Variants in SKIDA1 observed in about 807,000 individuals in gnomAD.
SKIDA1 encodes SKI/DACH domain-containing protein 1.
A neutral mutation model predicts 51.4 loss-of-function variants in SKIDA1; 18 were observed. The observed-to-expected ratio is 0.35, with a 90% CI of 0.24 to 0.52. The LOEUF is 0.52. Among genes scored for constraint, SKIDA1 ranks in the 20% least tolerant of loss-of-function variants. The pLI is 0.95. For missense variants in SKIDA1, 1,104 were observed against 1,180.6 expected, an observed-to-expected ratio of 0.94 and a Z score of 0.95; for synonymous variants, 579 against 500.5, an observed-to-expected ratio of 1.16 and a Z score of -2.09.
rs778630089 is a variant in SKIDA1, at chr10:21,515,207, G to T, written c.2616C>A (p.Thr872=). ...GDLWPAYSLN[T]TKDSQTPHKA... is the part of the protein sequence containing the mutation. ...TGTGAGGAGTTTGAGAATCCTTAGTGGTGTTTAAGGAATACGCCGGCCACA... is the reference window on the plus strand; with the variant it reads ...TGTGAGGAGTTTGAGAATCCTTAGTTGTGTTTAAGGAATACGCCGGCCACA... The change falls in exon 4 of 4, where the codon ACC becomes ACA. Residue 872 remains threonine, a synonymous_variant. Coordinates refer to ENST00000449193, the MANE Select transcript of SKIDA1 (RefSeq NM_207371.4). The T allele has an allele frequency of 6.2e-7, 1 of 1,613,904 alleles. No individual in the cohort carries two copies. Among genetic ancestry groups the T allele is most frequent in the East Asian group, 2.2e-5 (1 of 44,876 alleles).
Position 21,515,628 on chromosome 10 carries a change from G to A in SKIDA1, c.2195C>T (p.Thr732Ile), listed in dbSNP as rs1346799001. The A allele has an allele frequency of 1.3e-5, 21 of 1,614,012 alleles. No homozygotes were observed. The highest frequency in any genetic ancestry group is 1.6e-4 in the Middle Eastern group (1 of 6,062). Residue 732 changes from threonine to isoleucine, a missense_variant, in exon 4 of 4, where the codon ACC becomes ATC. Coordinates refer to ENST00000449193, the MANE Select transcript of SKIDA1 (RefSeq NM_207371.4). The stretch of plus-strand genomic sequence containing the variant: ...GCATGCAAAACCTTCCTTGGCTGTG[G>A]TTAACAAGGCGTCCTCCTCTTTACT... ...TESKEEDALL[T>I]TAKEGFACPE...
rs71393906 is a variant in SKIDA1 at position 21,522,266 on chromosome 10, ACCCCCCCCCCCCCC to A, written c.-1928-800_-1928-787del. Among the ~76,000 whole-genome samples, 61 of 30,436 alleles carry A rather than the reference ACCCCCCCCCCCCCC, an allele frequency of 2.0e-3. 2 individuals are homozygous for A. Among genetic ancestry groups the A allele is most frequent in the African/African-American group, 5.9e-3 (55 of 9,244 alleles). 20.0% of individuals were successfully genotyped at this position (30,436 alleles called of 152,430 possible). On this transcript the variant is annotated intron_variant, in intron 2 of 3. Coordinates refer to ENST00000449193, the MANE Select transcript of SKIDA1 (RefSeq NM_207371.4). Reference sequence around the variant, plus strand: ...CATAATTTAAATGAGGATCACAGCCACCCCCCCCCCCCCCCCCCCCCCCCCGCCACCAGCTCTTC... The same window carrying A: ...CATAATTTAAATGAGGATCACAGCCACCCCCCCCCCCGCCACCAGCTCTTC...
intron 2 of SKIDA1, among the ~76,000 whole-genome samples, chr10:21,521,953 TTTTGA>T (rs1450714235): frequency 1.3e-5 from 2 of 152,226 alleles, no homozygotes; most frequent in Non-Finnish European, 2.9e-5. Context: ...AGATGCTCTA[TTTTGA>T]TTTATTTTCA....
At position 21,515,766 on chromosome 10, in the gene SKIDA1, T is replaced by TC; in HGVS notation, c.2056_2057insG (p.Lys686ArgfsTer8). On this transcript the variant is annotated frameshift_variant, in exon 4 of 4. Transcript: ENST00000449193. LOFTEE classifies it high-confidence loss of function. ...AGCACTACTGTCTTCTACTTTGATT[T>TC]TAATATTGTGCAGAAATGGCAATGT... 1 of 1,614,054 alleles carries TC rather than the reference T, an allele frequency of 6.2e-7. No individual in the cohort carries two copies. Among genetic ancestry groups the TC allele is most frequent in the Non-Finnish European group, 8.5e-7 (1 of 1,179,898 alleles).
In SKIDA1 at chr10:21,516,986, C is replaced by T. The variant is rs2032248133; in HGVS notation, c.837G>A (p.Lys279=). ...CGGCGTGAGGCGCGAGCAGGCAGTC[C>T]TTGGCGCCGCCGCGCTTGCGCTTGC... The part of the protein sequence containing the change: ...YRCKRKRGGA[K]DCLLAPHAGA... The change falls in exon 4 of 4, where the codon AAG becomes AAA. Residue 279 remains lysine, a synonymous_variant. Coordinates refer to ENST00000449193, the MANE Select transcript of SKIDA1 (RefSeq NM_207371.4). This position sits in a 1 kb window ranked among gnomAD's most constrained non-coding sequence, Gnocchi z 5.7. 1 of 1,144,378 alleles carries T rather than the reference C, an allele frequency of 8.7e-7. No homozygotes were observed. Among genetic ancestry groups the T allele is most frequent in the African/African-American group, 1.7e-5 (1 of 59,952 alleles). 70.9% of individuals were successfully genotyped at this position (1,144,378 alleles called of 1,614,324 possible).
intron 2 of SKIDA1, among the ~76,000 whole-genome samples, chr10:21,522,942 A>C (rs2032456923): frequency 6.6e-6 from 1 of 152,172 alleles, no homozygotes; most frequent in African/African-American, 2.4e-5. Context: ...AAGCCCTAAG[A>C]GTGTGCTTTC....
rs977306972 is a variant in SKIDA1 at position 21,514,032 on chromosome 10, T to C, written c.*1064A>G. On this transcript the variant is annotated 3_prime_UTR_variant, in exon 4 of 4. Transcript: ENST00000449193. Reference sequence around the variant, plus strand: ...GAGTTCGGGACCAGCCTGGTCAACATGGTGAAACCCCGTCTCTACTAAAAA... The same window carrying C: ...GAGTTCGGGACCAGCCTGGTCAACACGGTGAAACCCCGTCTCTACTAAAAA... 1 of 151,760 alleles carries C rather than the reference T, an allele frequency of 6.6e-6. No individual in the cohort carries two copies. Among genetic ancestry groups the C allele is most frequent in the Admixed American group, 6.6e-5 (1 of 15,232 alleles). 9.4% of individuals were successfully genotyped at this position (151,760 alleles called of 1,614,324 possible). A position where few individuals can be genotyped will look rare whatever the true frequency, so the allele number is the denominator to read the frequency against.
At position 21,515,607 on chromosome 10, in the gene SKIDA1, G is replaced by A. The variant is rs1344706666; in HGVS notation, c.2216C>T (p.Ala739Val). The change falls in exon 4 of 4, where the codon GCA (alanine) becomes GTA (valine). Residue 739 changes from alanine to valine, a missense_variant. By Grantham distance (64) the Ala-to-Val change is moderately conservative. Around this residue, in one of 3 missense-constraint regions of SKIDA1, gnomAD observed 938 missense variants for 886.4 expected, o/e 1.06. Coordinates refer to ENST00000449193, the MANE Select transcript of SKIDA1 (RefSeq NM_207371.4). ...ALLTTAKEGF[A>V]CPEKETPSLN... ...GGAAGGAGTTTCTTTTTCAGGGCATGCAAAACCTTCCTTGGCTGTGGTTAA... is the reference window on the plus strand; with the variant it reads ...GGAAGGAGTTTCTTTTTCAGGGCATACAAAACCTTCCTTGGCTGTGGTTAA... 2.5e-6 allele frequency: 4 copies of A among 1,614,012 alleles called. No individual in the cohort carries two copies. The highest frequency in any genetic ancestry group is 1.3e-5 in the African/African-American group (1 of 75,054).
At position 21,516,936 on chromosome 10, in the gene SKIDA1, G is replaced by A; in HGVS notation, c.887C>T (p.Pro296Leu). The A allele has an allele frequency of 8.5e-7, 1 of 1,179,390 alleles. No individual in the cohort carries two copies. Among genetic ancestry groups the A allele is most frequent in the Non-Finnish European group, 1.1e-6 (1 of 951,538 alleles). 73.1% of individuals were successfully genotyped at this position (1,179,390 alleles called of 1,614,324 possible). A position where few individuals can be genotyped will look rare whatever the true frequency, so the allele number is the denominator to read the frequency against. The change falls in exon 4 of 4, where the codon CCC becomes CTC. Residue 296 changes from proline to leucine, a missense_variant. Physicochemically the swap from Pro to Leu is moderately conservative, Grantham distance 98. This residue lies in a region of SKIDA1 where 938 missense variants were observed against 886.4 expected (regional missense o/e 1.06). Transcript: ENST00000449193. This position sits in a 1 kb window ranked among gnomAD's most constrained non-coding sequence, Gnocchi z 5.7. ...CGCCGCCTTGGCTTTGTAGGACCTG[G>A]GCAACAGCAGCAGGCGCCGCGCGCC... ...HAGARRLLLLPRSYKAKAAAA... is the reference protein window; with the variant it reads ...HAGARRLLLLLRSYKAKAAAA...
At position 21,515,179 on chromosome 10, in the gene SKIDA1, C is replaced by T; in HGVS notation, c.2644G>A (p.Ala882Thr). ...AGCTGCCATTTCCATATAGGATGGG[C>T]CTTGTGAGGAGTTTGAGAATCCTTA... ...TTKDSQTPHK[A>T]HPIWKWQLGG... Residue 882 changes from alanine to threonine, a missense_variant, in exon 4 of 4, where the codon GCC (alanine) becomes ACC (threonine). Ala to Thr is a moderately conservative substitution (Grantham distance 58). This residue lies in a region of SKIDA1 where 112 missense variants were observed against 168.3 expected (regional missense o/e 0.67). Coordinates refer to ENST00000449193, the MANE Select transcript of SKIDA1 (RefSeq NM_207371.4). 3 of 1,613,816 alleles carry T rather than the reference C, an allele frequency of 1.9e-6. No individual in the cohort carries two copies. Among genetic ancestry groups the T allele is most frequent in the Non-Finnish European group, 2.5e-6 (3 of 1,179,854 alleles).
At position 21,515,904 on chromosome 10, in the gene SKIDA1, T is replaced by A; in HGVS notation, c.1919A>T (p.His640Leu). 6.2e-7 allele frequency: 1 copy of A among 1,613,998 alleles called. No individual in the cohort carries two copies. The highest frequency in any genetic ancestry group is 8.5e-7 in the Non-Finnish European group (1 of 1,179,884). ...ANSEKYSKIL[H>L]CPEFATDLPS... The stretch of plus-strand genomic sequence containing the variant: ...CAAATCCGTAGCAAATTCAGGACAA[T>A]GAAGGATTTTGGAATATTTTTCTGA... The change falls in exon 4 of 4, where the codon CAT (histidine) becomes CTT (leucine). Residue 640 changes from histidine (H) to leucine (L), a missense_variant. His to Leu is a moderately conservative substitution (Grantham distance 99, BLOSUM62 -3). This residue lies in a region of SKIDA1 where 938 missense variants were observed against 886.4 expected (regional missense o/e 1.06). Coordinates refer to ENST00000449193, the MANE Select transcript of SKIDA1 (RefSeq NM_207371.4).
chr10:21,517,886 T>C lies in SKIDA1; in HGVS notation c.-64A>G, dbSNP rs2032289925. On this transcript the variant is annotated 5_prime_UTR_variant, in exon 4 of 4. It adds an upstream start codon to the 5' untranslated region. Coordinates refer to ENST00000449193, the MANE Select transcript of SKIDA1 (RefSeq NM_207371.4). The surrounding 1 kb of genome is among the most constrained non-coding windows in gnomAD (Gnocchi z 6.9). ...TATACGTGACGCATACATACACATG[T>C]ATGTATGTTAATCCTCAGCCAGATG... 7.1e-7 allele frequency: 1 copy of C among 1,405,400 alleles called. No homozygotes were observed. Among genetic ancestry groups the C allele is most frequent in the African/African-American group, 1.4e-5 (1 of 69,778 alleles). The allele number at this position is 1,405,400 out of a possible 1,614,324, so 87.1% of individuals were successfully genotyped here.
rs764604810 is a variant in SKIDA1 at position 21,517,826 on chromosome 10, G to A, written c.-4C>T. The A allele has an allele frequency of 1.3e-6, 2 of 1,599,570 alleles. No homozygotes were observed. The highest frequency in any genetic ancestry group is 1.7e-5 in the Admixed American group (1 of 59,300). ...AACCTGACTTCAGGTCTCCCATCTC[G>A]GGCACTAAATGATCCCCACCATTTG... On this transcript the variant is annotated 5_prime_UTR_variant, in exon 4 of 4. It introduces an in-frame stop codon into an upstream open reading frame of the 5' UTR. Transcript: ENST00000449193. The surrounding 1 kb of genome is among the most constrained non-coding windows in gnomAD (Gnocchi z 6.9).
chr10:21,521,288 G>A (rs2131275465), intron 3 of SKIDA1, 101 bp downstream of exon 3: 1 of 152,536 alleles, frequency 6.6e-6, no homozygotes, highest in South Asian at 2.1e-4. Context: ...CAACATTTAT[G>A]GCTTAGATTA....
chr10:21,517,984 T>A lies in SKIDA1; in HGVS notation c.-162A>T. The A allele has an allele frequency of 1.8e-6, 1 of 569,910 alleles. No individual in the cohort carries two copies. Among genetic ancestry groups the A allele is most frequent in the Non-Finnish European group, 2.9e-6 (1 of 350,244 alleles). The allele number at this position is 569,910 out of a possible 1,614,324, so 35.3% of individuals were successfully genotyped here. ...ATTCCCGGCGAAGGAAGTGCCAAAC[T>A]CTAGGCGAAATTATTGGGGGGGGGG... On this transcript the variant is annotated 5_prime_UTR_variant, in exon 4 of 4. Transcript: ENST00000449193. This position sits in a 1 kb window ranked among gnomAD's most constrained non-coding sequence, Gnocchi z 6.9.
intron 2 of SKIDA1, 59 bp from the exon 3 acceptor site, chr10:21,521,539 A>G (rs2131275597): frequency 6.5e-6 from 1 of 152,684 alleles, no homozygotes; most frequent in Non-Finnish European, 1.5e-5. Flanking sequence ...TTTTTAAGAA[A>G]AGATATATCA....
chr10:21,517,851 G>C lies in SKIDA1; in HGVS notation c.-29C>G, dbSNP rs1004090284. 7 of 1,569,182 alleles carry C rather than the reference G, an allele frequency of 4.5e-6. No homozygotes were observed. The highest frequency in any genetic ancestry group is 1.2e-5 in the South Asian group (1 of 85,312). The stretch of plus-strand genomic sequence containing the variant: ...GGGCACTAAATGATCCCCACCATTT[G>C]CAGTAAATATATACGTGACGCATAC... On this transcript the variant is annotated 5_prime_UTR_variant, in exon 4 of 4. Coordinates refer to ENST00000449193, the MANE Select transcript of SKIDA1 (RefSeq NM_207371.4). The surrounding 1 kb of genome is among the most constrained non-coding windows in gnomAD (Gnocchi z 6.9).
Position 21,524,602 on chromosome 10 carries a change from G to T in SKIDA1, c.-2117-731C>A, listed in dbSNP as rs1291965926. The T allele has an allele frequency of 2.2e-5, 2 of 90,528 alleles. 1 individual carries two copies. The highest frequency in any genetic ancestry group is 5.2e-5 in the Non-Finnish European group (2 of 38,558). The allele number at this position is 90,528 out of a possible 1,614,324, so 5.6% of individuals were successfully genotyped here. On this transcript the variant is annotated intron_variant, in intron 1 of 3. Transcript: ENST00000449193. ...CCGATTCACTAAGGCGGGGGGGGGGGGGGGCTACAGCTTGCAGCAACGTGC... is the reference window on the plus strand; with the variant it reads ...CCGATTCACTAAGGCGGGGGGGGGGTGGGGCTACAGCTTGCAGCAACGTGC...
At position 21,517,032 on chromosome 10, in the gene SKIDA1, G is replaced by A. The variant is rs1423314652; in HGVS notation, c.791C>T (p.Pro264Leu). 3.8e-6 allele frequency: 4 copies of A among 1,040,032 alleles called. No individual in the cohort carries two copies. The highest frequency in any genetic ancestry group is 4.0e-5 in the South Asian group (1 of 25,292). 64.4% of individuals were successfully genotyped at this position (1,040,032 alleles called of 1,614,324 possible). A position where few individuals can be genotyped will look rare whatever the true frequency, so the allele number is the denominator to read the frequency against. ...CTTGCAGCGGTAGCTCAGGCTCCCC[G>A]GGCCTCCGGCGCCCGCCGCTGCCTT... ...QPKAAAGAGGPGSLSYRCKRK... is the reference protein window; with the variant it reads ...QPKAAAGAGGLGSLSYRCKRK... Residue 264 changes from proline (P) to leucine (L), a missense_variant, in exon 4 of 4, where the codon CCG becomes CTG. Physicochemically the swap from Pro to Leu is moderately conservative, Grantham distance 98. Coordinates refer to ENST00000449193, the MANE Select transcript of SKIDA1 (RefSeq NM_207371.4). This position sits in a 1 kb window ranked among gnomAD's most constrained non-coding sequence, Gnocchi z 6.9.
Sources: allele counts gnomAD v4.1 joint callset (sites outside exome capture counted in the v4.1 genomes callset), GRCh38; gene constraint gnomAD v4.1.1; regional missense constraint gnomAD v4.1.1; non-coding constraint Gnocchi (gnomAD v3.1); transcripts MANE v1.5; gene names NCBI Gene and HGNC (gene_info 2026-07-23, HGNC 2026-07-21).